Variants in RNF150 observed in about 807,000 individuals in gnomAD.
RNF150 encodes ring finger protein 150.
A neutral mutation model predicts 39.3 loss-of-function variants in RNF150; 24 were observed. The ratio of observed to expected loss-of-function variants is 0.61; its 90% CI spans 0.44 to 0.86. The LOEUF (loss-of-function observed/expected upper bound fraction) is 0.86. RNF150 is among the 40% of genes least tolerant of loss of function. The pLI, the probability that RNF150 is intolerant of heterozygous loss-of-function variation, is 0.00. For missense variants in RNF150, 502 were observed against 587.8 expected (o/e 0.85, Z 1.51); for synonymous variants, 255 against 227.3 (o/e 1.12, Z -1.10).
chr4:140,885,941 A>T (rs1209110088), intron 6 of RNF150, among the ~76,000 whole-genome samples: 1 of 152,238 alleles, frequency 6.6e-6, no homozygotes, highest in East Asian at 1.9e-4. Flanking sequence ...AAGTATGTAC[A>T]TCTCTTTGGG....
At chr4:140,961,572 C>A (rs1733025700) in intron 2 of RNF150, among the ~76,000 whole-genome samples, 1 of 152,122 alleles carries the variant, frequency 6.6e-6, no homozygotes, top group Admixed American at 6.6e-5. Context: ...ATAGCTATGA[C>A]CTGTACAGCT....
chr4:141,119,469 C>A (rs1726544415), intron 1 of RNF150, among the ~76,000 whole-genome samples: 1 of 152,208 alleles, frequency 6.6e-6, no homozygotes, highest in South Asian at 2.1e-4. Context: ...ATCCAGGCAG[C>A]ACTATGCTCA....
At chr4:140,998,350 A>G (rs1375566692) in intron 1 of RNF150, among the ~76,000 whole-genome samples, 1 of 152,218 alleles carries the variant, frequency 6.6e-6, no homozygotes. Context: ...CCTTCTAAGA[A>G]GAGGAAGATA....
At chr4:141,191,053 A>C (rs530255704) in intron 1 of RNF150, among the ~76,000 whole-genome samples, 1 of 152,232 alleles carries the variant, frequency 6.6e-6, no homozygotes, top group South Asian at 2.1e-4. Context: ...TAAGGACTTA[A>C]GCCTTCCATG....
At position 141,046,300 on chromosome 4, in the gene RNF150, C is replaced by G. The variant is rs920519998; in HGVS notation, c.485-78427G>C. ...TTTCTGTCTTCTACCTACATAGATACTAACACTCCTCTTTAAATAGACCGC... is the reference window on the plus strand; with the variant it reads ...TTTCTGTCTTCTACCTACATAGATAGTAACACTCCTCTTTAAATAGACCGC... On this transcript the variant is annotated intron_variant, in intron 1 of 6. Transcript: ENST00000515673. 2.0e-5 allele frequency among the ~76,000 whole-genome samples: 3 copies of G among 152,192 alleles called. 1 individual carries two copies. The highest frequency in any genetic ancestry group is 7.2e-5 in the African/African-American group (3 of 41,448).
upstream of RNF150, among the ~76,000 whole-genome samples, chr4:141,136,771 CAG>C (rs902584609): frequency 2.0e-5 from 3 of 152,072 alleles, no homozygotes; most frequent in Non-Finnish European, 4.4e-5. Context: ...TGGAAAAAAA[CAG>C]AAATTTCTAA....
At chr4:141,165,570 T>A (rs936742711) in intron 1 of RNF150, among the ~76,000 whole-genome samples, 8 of 152,036 alleles carry the variant, frequency 5.3e-5, no homozygotes, top group African/African-American at 1.9e-4. Flanking sequence ...TCAGCAAATG[T>A]AAAAGAACAG....
intron 1 of RNF150, among the ~76,000 whole-genome samples, chr4:141,155,328 C>T (rs1727369473): frequency 6.7e-6 from 1 of 148,546 alleles, no homozygotes; most frequent in Non-Finnish European, 1.5e-5. Context: ...GAACTCCTGA[C>T]CTCAGATGAT....
chr4:140,904,404 AG>A (rs1165270487), intron 6 of RNF150, among the ~76,000 whole-genome samples: 2 of 152,214 alleles, frequency 1.3e-5, no homozygotes, highest in African/African-American at 4.8e-5. Context: ...TCATCTTTCC[AG>A]GGCTAATGTG....
Position 140,925,603 on chromosome 4 carries a change from T to A in RNF150, c.987+374A>T, listed in dbSNP as rs183351592. ...CGTGGGGCAAAGTGTGGCTTACGGA[T>A]CTTCCTGATGGCCAAACAAGGGTGA... On this transcript the variant is annotated intron_variant, in intron 5 of 6. Coordinates refer to ENST00000515673, the MANE Select transcript of RNF150 (RefSeq NM_020724.2). 3.9e-5 allele frequency among the ~76,000 whole-genome samples: 6 copies of A among 152,166 alleles called. No individual in the cohort carries two copies. The East Asian group carries it at 9.7e-4, about 25-fold the overall frequency.
At chr4:141,182,131 C>G (rs904632957) in intron 1 of RNF150, among the ~76,000 whole-genome samples, 44 of 150,410 alleles carry the variant, frequency 2.9e-4, no homozygotes, top group Admixed American at 4.7e-4. Flanking sequence ...ATTCAACAAC[C>G]CTTCATGCTA....
intron 6 of RNF150, among the ~76,000 whole-genome samples, chr4:140,895,154 G>T (rs1161661197): frequency 1.3e-5 from 2 of 152,192 alleles, no homozygotes; most frequent in African/African-American, 4.8e-5. Flanking sequence ...GAGAGGGTCA[G>T]GGGGCACAGG....
chr4:141,168,850 G>A (rs1443118953), intron 1 of RNF150, among the ~76,000 whole-genome samples: 1 of 152,108 alleles, frequency 6.6e-6, no homozygotes, highest in African/African-American at 2.4e-5. Context: ...TGTAGATGAT[G>A]GGTTGATGGG....
chr4:140,990,646 T>A (rs1027809198), intron 1 of RNF150, among the ~76,000 whole-genome samples: 2 of 152,224 alleles, frequency 1.3e-5, no homozygotes, highest in Non-Finnish European at 2.9e-5. Flanking sequence ...TCCATCCATG[T>A]CCCTGCAAAG....
intron 1 of RNF150, among the ~76,000 whole-genome samples, chr4:141,172,443 A>T (rs1330477544): frequency 6.6e-6 from 1 of 152,150 alleles, no homozygotes. Flanking sequence ...AAAAATTGGG[A>T]TCAATAATTT....
At chr4:141,120,140 T>A (rs1046085568) in intron 1 of RNF150, among the ~76,000 whole-genome samples, 1 of 152,182 alleles carries the variant, frequency 6.6e-6, no homozygotes, top group Admixed American at 6.5e-5. Context: ...ATCATGGAGT[T>A]TATATTCCCA....
At chr4:141,068,460 A>T (rs1737551175) in intron 1 of RNF150, among the ~76,000 whole-genome samples, 1 of 152,262 alleles carries the variant, frequency 6.6e-6, no homozygotes, top group Admixed American at 6.5e-5. Context: ...TGGTTACTGT[A>T]GCCTTGTAGT....
chr4:141,193,401 C>T (rs986274298), intron 1 of RNF150, among the ~76,000 whole-genome samples: 4 of 152,222 alleles, frequency 2.6e-5, no homozygotes, highest in South Asian at 2.1e-4. Context: ...AGTCTCTCTG[C>T]GTGAGATTCT....
chr4:141,117,788 GT>G (rs1726477548), intron 1 of RNF150, among the ~76,000 whole-genome samples: 1 of 152,182 alleles, frequency 6.6e-6, no homozygotes, highest in Admixed American at 6.5e-5. Flanking sequence ...GAGTCTGTGT[GT>G]TCAGAACAAA....
Sources: allele counts gnomAD v4.1 joint callset (sites outside exome capture counted in the v4.1 genomes callset), GRCh38; gene constraint gnomAD v4.1.1; transcripts MANE v1.5; gene names NCBI Gene and HGNC (gene_info 2026-07-23, HGNC 2026-07-21).